The following RORA variants were observed in gnomAD, a reference collection of about 807,000 sequenced individuals.
The protein encoded by RORA is nuclear receptor ROR-alpha.
Under a neutral mutation model 69.5 loss-of-function variants are expected in RORA, and 7 were observed. The ratio of observed to expected loss-of-function variants is 0.10; its 90% CI spans 0.06 to 0.19. The LOEUF (loss-of-function observed/expected upper bound fraction) is 0.19, where lower values mean the gene tolerates loss of function less well. RORA is among the 10% of genes least tolerant of loss of function. RORA has a pLI of 1.00. For synonymous variants in RORA, 261 were observed against 240.8 expected, an observed-to-expected ratio of 1.08 and a Z score of -0.78; for missense variants, 457 against 663.0, an observed-to-expected ratio of 0.69 and a Z score of 3.41.
At chr15:60,910,677 C>CCAGATTGGCTAGTTCCAT (rs1891680365) in intron 1 of RORA, among the ~76,000 whole-genome samples, 1 of 152,106 alleles carries the variant, frequency 6.6e-6, no homozygotes, top group Admixed American at 6.6e-5. Flanking sequence ...AGGTACAAAC[C>CCAGATTGGCTAGTTCCAT]CAGATTGGCT....
At chr15:60,978,358 T>G (rs966082739) in intron 1 of RORA, among the ~76,000 whole-genome samples, 1 of 152,196 alleles carries the variant, frequency 6.6e-6, no homozygotes, top group Non-Finnish European at 1.5e-5. Context: ...TTATTTTAAT[T>G]TAATGATTCA....
intron 2 of RORA, among the ~76,000 whole-genome samples, chr15:60,542,794 C>T (rs531379897): frequency 6.6e-6 from 1 of 152,098 alleles, no homozygotes; most frequent in East Asian, 1.9e-4. Context: ...AGTCCTGCCT[C>T]CACTTGCTGA....
At chr15:60,742,176 T>C (rs2071583437) in intron 1 of RORA, among the ~76,000 whole-genome samples, 1 of 152,204 alleles carries the variant, frequency 6.6e-6, no homozygotes, top group Non-Finnish European at 1.5e-5. Context: ...CCAAGTTTCT[T>C]GGTGTCTCCT....
intron 2 of RORA, among the ~76,000 whole-genome samples, chr15:60,607,123 A>T (rs2068964230): frequency 6.6e-6 from 1 of 152,228 alleles, no homozygotes; most frequent in East Asian, 1.9e-4. Context: ...GATTTAAAAA[A>T]TGATAAAAAG....
intron 1 of RORA, among the ~76,000 whole-genome samples, chr15:61,208,529 A>G (rs1256869787): frequency 6.6e-6 from 1 of 152,200 alleles, no homozygotes; most frequent in Non-Finnish European, 1.5e-5. Context: ...TATACTTAAG[A>G]TGGGTGAATG....
At chr15:60,743,079 A>G (rs942384326) in intron 1 of RORA, among the ~76,000 whole-genome samples, 3 of 146,834 alleles carry the variant, frequency 2.0e-5, no homozygotes, top group African/African-American at 7.7e-5. Flanking sequence ...CAGTGGCACA[A>G]TCTCGGCTCA....
At chr15:60,683,908 T>C (rs191459101) in intron 1 of RORA, among the ~76,000 whole-genome samples, 1 of 152,156 alleles carries the variant, frequency 6.6e-6, no homozygotes, top group African/African-American at 2.4e-5. Flanking sequence ...TATCACAGAT[T>C]TAGCCCTGCC....
intron 1 of RORA, among the ~76,000 whole-genome samples, chr15:60,884,862 T>C (rs1021353769): frequency 6.6e-6 from 1 of 152,202 alleles, no homozygotes; most frequent in South Asian, 2.1e-4. Flanking sequence ...GAGTGTCTCA[T>C]TGTTTTTGAG....
chr15:61,065,888 A>C (rs772736014), intron 1 of RORA, among the ~76,000 whole-genome samples: 2 of 152,116 alleles, frequency 1.3e-5, no homozygotes, highest in Admixed American at 6.5e-5. Flanking sequence ...TAACTTCTCC[A>C]TTCTACCCCA....
At chr15:60,921,823 T>C (rs938350596) in intron 1 of RORA, among the ~76,000 whole-genome samples, 7 of 152,196 alleles carry the variant, frequency 4.6e-5, no homozygotes, top group African/African-American at 1.7e-4. Flanking sequence ...GAGGATCTAA[T>C]AAGAAGCTGT....
intron 1 of RORA, among the ~76,000 whole-genome samples, chr15:61,011,675 G>T (rs1895092194): frequency 6.6e-6 from 1 of 152,152 alleles, no homozygotes; most frequent in Non-Finnish European, 1.5e-5. Context: ...AAAGCAGACT[G>T]AATTACTCTA....
At chr15:60,839,991 C>T (rs942319866) in intron 1 of RORA, among the ~76,000 whole-genome samples, 28 of 152,070 alleles carry the variant, frequency 1.8e-4, no homozygotes, top group African/African-American at 6.5e-4. Context: ...GTAAGAGTTA[C>T]GCCCTGTTGT....
chr15:61,010,112 A>C (rs1895041640), intron 1 of RORA, among the ~76,000 whole-genome samples: 1 of 152,214 alleles, frequency 6.6e-6, no homozygotes, highest in South Asian at 2.1e-4. Flanking sequence ...GCTTTGGGTT[A>C]TATGCTAACT....
intron 1 of RORA, among the ~76,000 whole-genome samples, chr15:61,064,835 C>G (rs998839335): frequency 6.6e-6 from 1 of 152,168 alleles, no homozygotes; most frequent in Non-Finnish European, 1.5e-5. Context: ...TATAAGCCAA[C>G]TTGGGAGCAA....
At chr15:60,605,497 A>G (rs893806340) in intron 2 of RORA, among the ~76,000 whole-genome samples, 1 of 152,232 alleles carries the variant, frequency 6.6e-6, no homozygotes, top group African/African-American at 2.4e-5. Flanking sequence ...TAAATGTTAA[A>G]CTATAGTGGA....
intron 1 of RORA, among the ~76,000 whole-genome samples, chr15:61,216,716 G>C (rs1003618700): frequency 6.6e-5 from 10 of 152,268 alleles, no homozygotes; most frequent in East Asian, 1.9e-4. Flanking sequence ...AGGTATGGGA[G>C]GTAACGTCAG....
At chr15:60,756,528 A>T (rs991943751) in intron 1 of RORA, among the ~76,000 whole-genome samples, 33 of 152,232 alleles carry the variant, frequency 2.2e-4, no homozygotes, top group Non-Finnish European at 1.0e-4. Flanking sequence ...CACATAACCC[A>T]TTAAGATCTC....
intron 5 of RORA, among the ~76,000 whole-genome samples, chr15:60,509,236 GATA>G (rs1197034128): frequency 1.3e-5 from 2 of 152,192 alleles, no homozygotes. Flanking sequence ...GTATAAATGG[GATA>G]AGAGAATTAG....
At chr15:60,705,956 G>C (rs1469166867) in intron 1 of RORA, among the ~76,000 whole-genome samples, 1 of 152,152 alleles carries the variant, frequency 6.6e-6, no homozygotes, top group East Asian at 1.9e-4. Context: ...CCAGGTGAAA[G>C]GGAAGTGGCA....
Sources: allele counts gnomAD v4.1 joint callset (sites outside exome capture counted in the v4.1 genomes callset), GRCh38; gene constraint gnomAD v4.1.1; transcripts MANE v1.5; gene names NCBI Gene and HGNC (gene_info 2026-07-23, HGNC 2026-07-21).